Variants in PHGDH observed in about 807,000 individuals in gnomAD.
PHGDH encodes phosphoglycerate dehydrogenase.
PHGDH carries 50 observed loss-of-function variants against 52.6 expected under a neutral mutation model. The observed-to-expected ratio is 0.95, with a 90% CI of 0.76 to 1.20. PHGDH has a LOEUF of 1.20. Among genes scored for constraint, PHGDH ranks in the 50% most tolerant of loss-of-function variants. PHGDH has a pLI of 0.00. For synonymous variants in PHGDH, 271 were observed against 280.5 expected (o/e 0.97, Z 0.34); for missense variants, 630 against 684.6 (o/e 0.92, Z 0.89).
chr1:119,727,570 C>G (rs1651489386), intron 5 of PHGDH: 2 of 205,682 alleles, frequency 9.7e-6, no homozygotes, highest in South Asian at 1.7e-4. Flanking sequence ...GTGGCTCACG[C>G]CTGTAATCCA....
chr1:119,726,911 C>T lies in PHGDH; in HGVS notation c.411+6C>T. ...GCAAATGGGAGCGGAAGAAGGTGAG[C>T]AGCGGCCTTGACTCGCCCCACCTGG... On this transcript the variant is annotated splice_donor_region_variant and intron_variant, in intron 4 of 11. Transcript: ENST00000641023. 3 of 1,613,860 alleles carry T rather than the reference C, an allele frequency of 1.9e-6. No individual in the cohort carries two copies. The highest frequency in any genetic ancestry group is 2.5e-6 in the Non-Finnish European group (3 of 1,179,678).
chr1:119,730,984 C>T (rs908956901), intron 5 of PHGDH, among the ~76,000 whole-genome samples: 1 of 152,180 alleles, frequency 6.6e-6, no homozygotes. Flanking sequence ...AATGGTTGGG[C>T]ACCCTCACAG....
At chr1:119,724,901 C>T (rs927226341) in intron 3 of PHGDH, 2 of 456,568 alleles carry the variant, frequency 4.4e-6, no homozygotes, top group Non-Finnish European at 8.8e-6. Context: ...GAAACACGCA[C>T]ACCCTATTGG....
intron 3 of PHGDH, among the ~76,000 whole-genome samples, chr1:119,725,374 G>A (rs1282905659): frequency 6.6e-6 from 1 of 152,192 alleles, no homozygotes; most frequent in Non-Finnish European, 1.5e-5. Flanking sequence ...GTGGAGTCTG[G>A]TGGGAAGAAA....
chr1:119,718,540 A>G (rs1285908852), intron 1 of PHGDH, among the ~76,000 whole-genome samples: 2 of 152,232 alleles, frequency 1.3e-5, no homozygotes, highest in Admixed American at 1.3e-4. Flanking sequence ...CTTCAGTTAC[A>G]GTCTCAGAGT....
chr1:119,721,426 GA>G, intron 2 of PHGDH, 105 bp downstream of exon 2: 1 of 1,158,716 alleles, frequency 8.6e-7, no homozygotes, highest in Non-Finnish European at 1.2e-6. Flanking sequence ...GAGTCCATTG[GA>G]AGGGCTTCCA....
At chr1:119,726,815 C>G (rs367890557) in intron 3 of PHGDH, 36 bp from the exon 4 acceptor site, 1 of 1,594,870 alleles carries the variant, frequency 6.3e-7, no homozygotes, top group South Asian at 1.1e-5. Context: ...GGCGGGAGTC[C>G]GAATGGACCC....
At chr1:119,739,536 A>C (rs1652093378) in intron 8 of PHGDH, 1 of 152,244 alleles carries the variant, frequency 6.6e-6, no homozygotes, top group South Asian at 2.1e-4. Context: ...TTTAAAAAAA[A>C]AAAAATTCTT....
At chr1:119,725,913 C>T (rs926122712) in intron 3 of PHGDH, among the ~76,000 whole-genome samples, 4 of 152,100 alleles carry the variant, frequency 2.6e-5, no homozygotes, top group African/African-American at 7.2e-5. Context: ...CAGTGCCTCC[C>T]TCCGTGCAGC....
intron 8 of PHGDH, among the ~76,000 whole-genome samples, chr1:119,739,103 G>A (rs775065282): frequency 6.6e-6 from 1 of 152,074 alleles, no homozygotes; most frequent in Non-Finnish European, 1.5e-5. Flanking sequence ...AATAACATTA[G>A]GGTCAGGTTG....
intron 1 of PHGDH, among the ~76,000 whole-genome samples, chr1:119,718,299 A>C (rs1651015435): frequency 6.6e-6 from 1 of 152,182 alleles, no homozygotes; most frequent in Non-Finnish European, 1.5e-5. Flanking sequence ...AAGTTCTCTA[A>C]ATTCTTTAAG....
chr1:119,737,102 C>G lies in PHGDH; in HGVS notation c.793-12C>G. On this transcript the variant is annotated splice_polypyrimidine_tract_variant and intron_variant, in intron 7 of 11. Coordinates refer to ENST00000641023, the MANE Select transcript of PHGDH (RefSeq NM_006623.4). Reference sequence around the variant, plus strand: ...CATGGCAGCCAACTTAGAGGTATCTCTTTCTGGGCAGGAGCCGCCACGGGA... The same window carrying G: ...CATGGCAGCCAACTTAGAGGTATCTGTTTCTGGGCAGGAGCCGCCACGGGA... The G allele has an allele frequency of 6.2e-7, 1 of 1,613,818 alleles. No individual in the cohort carries two copies.
Position 119,711,934 on chromosome 1 carries a change from CCA to C in PHGDH, c.-88_-87del. 7.5e-7 allele frequency: 1 copy of C among 1,337,092 alleles called. No homozygotes were observed. Among genetic ancestry groups the C allele is most frequent in the Non-Finnish European group, 1.1e-6 (1 of 929,996 alleles). The allele number at this position is 1,337,092 out of a possible 1,614,324, so 82.8% of individuals were successfully genotyped here. ...GGGAGCGGGAGCTGGAGAATACTGC[CCA>C]GTTACTCTAGCGCGCCAGGCCGAAC... On this transcript the variant is annotated 5_prime_UTR_variant, in exon 1 of 12. Transcript: ENST00000641023.
intron 1 of PHGDH, chr1:119,719,577 A>G (rs901015438): frequency 6.6e-6 from 1 of 152,218 alleles, no homozygotes; most frequent in Admixed American, 6.5e-5. Context: ...TCGTTCTACT[A>G]TTGCTCTTGA....
At chr1:119,734,547 A>T in intron 5 of PHGDH, 87 bp from the exon 6 acceptor site, 1 of 1,296,408 alleles carries the variant, frequency 7.7e-7, no homozygotes, top group Non-Finnish European at 1.1e-6. Context: ...TATATGGTAA[A>T]TGCTCAAAAA....
intron 1 of PHGDH, among the ~76,000 whole-genome samples, chr1:119,718,365 T>C (rs1206727138): frequency 6.6e-6 from 1 of 152,226 alleles, no homozygotes; most frequent in Non-Finnish European, 1.5e-5. Context: ...CTTAGGATTG[T>C]TGTGAAGCAC....
intron 2 of PHGDH, among the ~76,000 whole-genome samples, chr1:119,723,076 A>G (rs185384392): frequency 6.6e-6 from 1 of 152,324 alleles, no homozygotes; most frequent in East Asian, 1.9e-4. Context: ...GCTGAACCAC[A>G]CACAAATCTG....
At chr1:119,742,147 CA>C (rs1441302076) in intron 10 of PHGDH, 2 of 542,128 alleles carry the variant, frequency 3.7e-6, no homozygotes, top group Admixed American at 6.1e-5. Context: ...CCCCATTTCA[CA>C]GCCAAAGAAA....
intron 3 of PHGDH, chr1:119,725,095 A>AAAGG (rs1651348440): frequency 2.3e-6 from 1 of 428,652 alleles, no homozygotes; most frequent in Non-Finnish European, 4.7e-6. Context: ...CAGCACACAG[A>AAAGG]AAGGAAGGAA....
Sources: allele counts gnomAD v4.1 joint callset (sites outside exome capture counted in the v4.1 genomes callset), GRCh38; gene constraint gnomAD v4.1.1; transcripts MANE v1.5; gene names NCBI Gene and HGNC (gene_info 2026-07-23, HGNC 2026-07-21).